TRHDE: variants seen among roughly 807,000 people sequenced by gnomAD.
The protein encoded by TRHDE is thyrotropin releasing hormone degrading enzyme, also known as thyrotropin-releasing hormone-degrading ectoenzyme.
In TRHDE, 72 loss-of-function variants were observed where a neutral mutation model predicts 125.7. That is an observed-to-expected ratio of 0.57 (90% confidence interval 0.47 to 0.70). The LOEUF (loss-of-function observed/expected upper bound fraction) is 0.70, where lower values mean the gene tolerates loss of function less well. TRHDE is among the 30% of genes least tolerant of loss of function. The pLI, the probability that TRHDE is intolerant of heterozygous loss-of-function variation, is 0.00. For synonymous variants in TRHDE, 509 were observed against 509.1 expected, an observed-to-expected ratio of 1.00 and a Z score of 0.00; for missense variants, 1,110 against 1,327.1, an observed-to-expected ratio of 0.84 and a Z score of 2.54.
At chr12:72,520,446 A>G (rs1234800730) in intron 6 of TRHDE, among the ~76,000 whole-genome samples, 1 of 152,092 alleles carries the variant, frequency 6.6e-6, no homozygotes, top group Non-Finnish European at 1.5e-5. Context: ...AGGAAAGGGA[A>G]CTCCCTGACC....
At chr12:72,281,182 T>G (rs901270410) in intron 1 of TRHDE, among the ~76,000 whole-genome samples, 27 of 152,184 alleles carry the variant, frequency 1.8e-4, no homozygotes, top group African/African-American at 6.3e-4. Context: ...ACTCCAATGG[T>G]TATTTAAAAA....
rs1424389988 is a variant in TRHDE, at chr12:72,663,071, A to G, written c.3086A>G (p.Asn1029Ser). ...TTCCAGCTCAAGAACTTCATGAAAA[A>G]CTATGATGGGGTAGCTGCTGCTTCT... ...ELKELKNFMK[N>S]YDGVAAASFS... Residue 1029 changes from asparagine to serine, a missense_variant, in exon 19 of 19, where the codon AAC becomes AGC. Asn to Ser is a conservative substitution (Grantham distance 46). Coordinates refer to ENST00000261180, the MANE Select transcript of TRHDE (RefSeq NM_013381.3). 1.4e-5 allele frequency: 23 copies of G among 1,610,812 alleles called. No individual in the cohort carries two copies. Among genetic ancestry groups the G allele is most frequent in the Non-Finnish European group, 1.8e-5 (21 of 1,178,610 alleles).
chr12:72,226,864 A>G (rs368850186), intron 2 of TRHDE, among the ~76,000 whole-genome samples: 24 of 152,230 alleles, frequency 1.6e-4, no homozygotes, highest in East Asian at 9.6e-4. Context: ...AGCTGAAAAG[A>G]TAAGAATGGT....
At chr12:72,467,156 A>G (rs1487163592) in intron 3 of TRHDE, among the ~76,000 whole-genome samples, 5 of 152,166 alleles carry the variant, frequency 3.3e-5, no homozygotes, top group African/African-American at 1.2e-4. Flanking sequence ...ATATGTATAC[A>G]TGTGCCATGT....
chr12:72,598,094 G>T (rs1179171720), intron 12 of TRHDE, among the ~76,000 whole-genome samples: 1 of 151,676 alleles, frequency 6.6e-6, no homozygotes, highest in Non-Finnish European at 1.5e-5. Flanking sequence ...GGCAAAAAAA[G>T]AAAAGGAAAA....
chr12:72,660,640 G>T (rs1189917559), intron 18 of TRHDE, among the ~76,000 whole-genome samples: 1 of 152,130 alleles, frequency 6.6e-6, no homozygotes, highest in Non-Finnish European at 1.5e-5. Context: ...AATATTAAAA[G>T]CTAATGATTA....
chr12:72,590,981 A>G (rs1003861886), intron 12 of TRHDE, among the ~76,000 whole-genome samples: 3 of 152,228 alleles, frequency 2.0e-5, no homozygotes, highest in African/African-American at 7.2e-5. Flanking sequence ...AATATAAAGA[A>G]AAAGGGGTTT....
intron 3 of TRHDE, among the ~76,000 whole-genome samples, chr12:72,448,872 A>G (rs1875433722): frequency 6.6e-6 from 1 of 151,932 alleles, no homozygotes; most frequent in Non-Finnish European, 1.5e-5. Flanking sequence ...GCAAAGGAAT[A>G]ACTTAAGCTA....
intron 2 of TRHDE, among the ~76,000 whole-genome samples, chr12:72,238,626 G>C (rs999554659): frequency 6.6e-6 from 1 of 151,340 alleles, no homozygotes; most frequent in African/African-American, 2.4e-5. Flanking sequence ...TCCCACTTAT[G>C]AGTGAGAACA....
chr12:72,391,384 A>C (rs773054055), intron 3 of TRHDE, among the ~76,000 whole-genome samples: 7 of 152,232 alleles, frequency 4.6e-5, no homozygotes, highest in Non-Finnish European at 7.3e-5. Context: ...CCTTCAGGGC[A>C]TCGCTGAAGC....
chr12:72,628,142 A>G (rs1873336521), intron 15 of TRHDE, among the ~76,000 whole-genome samples: 4 of 151,924 alleles, frequency 2.6e-5, no homozygotes, highest in Admixed American at 2.6e-4. Flanking sequence ...ATGATGAACA[A>G]AAGAACATGC....
intron 2 of TRHDE, among the ~76,000 whole-genome samples, chr12:72,126,152 C>A (rs1034601747): frequency 1.3e-5 from 2 of 151,608 alleles, no homozygotes; most frequent in African/African-American, 2.4e-5. Context: ...TACATCTAAC[C>A]AAGGAGGTGA....
At chr12:72,344,736 T>C (rs1870236106) in intron 2 of TRHDE, among the ~76,000 whole-genome samples, 1 of 151,998 alleles carries the variant, frequency 6.6e-6, no homozygotes, top group South Asian at 2.1e-4. Flanking sequence ...TGGAGGCCAC[T>C]CCCAAGCCTC....
chr12:72,552,131 G>A (rs961758409), intron 7 of TRHDE, among the ~76,000 whole-genome samples: 8 of 152,192 alleles, frequency 5.3e-5, no homozygotes, highest in East Asian at 1.9e-4. Flanking sequence ...TGTATTAAAC[G>A]GTTTTAAACT....
chr12:72,576,389 T>C lies in TRHDE; in HGVS notation c.2321+847T>C, dbSNP rs532568918. Among the ~76,000 whole-genome samples the C allele has an allele frequency of 4.6e-5, 7 of 152,268 alleles. No homozygotes were observed. The East Asian group carries it at 1.2e-3, about 25-fold the overall frequency. ...GACTTATTTTAGTAATAGGCTTTTT[T>C]TCATGGGACCTGAAACTGCTTTTAC... On this transcript the variant is annotated intron_variant, in intron 12 of 18. Coordinates refer to ENST00000261180, the MANE Select transcript of TRHDE (RefSeq NM_013381.3).
chr12:72,485,189 G>C (rs1462876985), intron 5 of TRHDE, among the ~76,000 whole-genome samples: 1 of 152,102 alleles, frequency 6.6e-6, no homozygotes, highest in Non-Finnish European at 1.5e-5. Context: ...CCCAGAGAAG[G>C]AGTGTGGCTA....
intron 3 of TRHDE, among the ~76,000 whole-genome samples, chr12:72,452,910 C>T (rs1329290394): frequency 6.6e-6 from 1 of 152,098 alleles, no homozygotes; most frequent in Non-Finnish European, 1.5e-5. Flanking sequence ...TCCTGTACAG[C>T]CTGTGAAACC....
intron 2 of TRHDE, among the ~76,000 whole-genome samples, chr12:72,324,443 A>G (rs1869244490): frequency 6.6e-6 from 1 of 152,072 alleles, no homozygotes; most frequent in Non-Finnish European, 1.5e-5. Context: ...CCTTTCACTC[A>G]GAGGTAAAAA....
intron 2 of TRHDE, among the ~76,000 whole-genome samples, chr12:72,238,267 A>C (rs1878375255): frequency 9.8e-6 from 1 of 101,822 alleles, no homozygotes; most frequent in Non-Finnish European, 1.9e-5. Flanking sequence ...AGAAGTGGTC[A>C]GATCCTTAAT....
Sources: gnomAD v4.1 joint callset for allele counts (sites outside exome capture counted in the v4.1 genomes callset) on GRCh38, gnomAD v4.1.1 for gene constraint, MANE v1.5 for transcripts, NCBI Gene and HGNC (gene_info 2026-07-23, HGNC 2026-07-21) for gene names.